Variants in PCDHGB5 observed in about 807,000 individuals in gnomAD.
The protein encoded by PCDHGB5 is protocadherin gamma subfamily B, 5, also known as protocadherin gamma-B5.
In PCDHGB5, 48 loss-of-function variants were observed where a neutral mutation model predicts 62.9. The ratio of observed to expected loss-of-function variants is 0.76; its 90% confidence interval spans 0.61 to 0.97. PCDHGB5 has a LOEUF of 0.97. PCDHGB5 is among the 50% of genes least tolerant of loss of function. The pLI is 0.00. For synonymous variants in PCDHGB5, 474 were observed against 511.2 expected, an observed-to-expected ratio of 0.93 and a Z score of 0.98; for missense variants, 1,118 against 1,198.6, an observed-to-expected ratio of 0.93 and a Z score of 0.99.
At chr5:141,423,785 A>G (rs531378008) in intron 1 of PCDHGB5, 48 of 1,269,536 alleles carry the variant, frequency 3.8e-5, no homozygotes, top group Non-Finnish European at 4.4e-5. Context: ...TTTAGTTCAT[A>G]TATATTTAGA....
rs1554123924 is a variant in PCDHGB5, at chr5:141,431,826, T to C, written c.2397+31302T>C. 1 of 1,614,220 alleles carries C rather than the reference T, an allele frequency of 6.2e-7. No homozygotes were observed. The highest frequency in any genetic ancestry group is 8.5e-7 in the Non-Finnish European group (1 of 1,180,050). The stretch of plus-strand genomic sequence containing the variant: ...GTCCTCACCTCTCTCGCCAGCTCGG[T>C]TCCCGAAAACTCTCCCAGAGGGACA... On this transcript the variant is annotated intron_variant, in intron 1 of 3. Coordinates refer to ENST00000617380, the MANE Select transcript of PCDHGB5 (RefSeq NM_018925.3). This position sits in a 1 kb window ranked among gnomAD's most constrained non-coding sequence, Gnocchi z 4.8.
At chr5:141,433,995 C>G (rs995723859) in intron 1 of PCDHGB5, among the ~76,000 whole-genome samples, 1 of 152,028 alleles carries the variant, frequency 6.6e-6, no homozygotes, top group Non-Finnish European at 1.5e-5. Context: ...GTTTTATATT[C>G]TCTATATATG....
chr5:141,477,262 C>A lies in PCDHGB5; in HGVS notation c.2398-17545C>A, dbSNP rs60063068. 1.2e-5 allele frequency: 19 copies of A among 1,614,020 alleles called. No homozygotes were observed. The East Asian group carries it at 4.2e-4, about 36-fold the overall frequency. On this transcript the variant is annotated intron_variant, in intron 1 of 3. Transcript: ENST00000617380. This position sits in a 1 kb window ranked among gnomAD's most constrained non-coding sequence, Gnocchi z 4.9. ...TCAGTGTGACTGACCTGGATGCTGG[C>A]GAGAACGGGCTGGTGACCTGCGAAG...
chr5:141,477,212 C>T lies in PCDHGB5; in HGVS notation c.2398-17595C>T, dbSNP rs1488282405. On this transcript the variant is annotated intron_variant, in intron 1 of 3. Coordinates refer to ENST00000617380, the MANE Select transcript of PCDHGB5 (RefSeq NM_018925.3). This position sits in a 1 kb window ranked among gnomAD's most constrained non-coding sequence, Gnocchi z 4.9. ...GTACAGCCCAGTACCCGAGGATGCC[C>T]CTCTGGGGACTGTCATCGCTTTGCT... 11 of 1,614,048 alleles carry T rather than the reference C, an allele frequency of 6.8e-6. No individual in the cohort carries two copies. The highest frequency in any genetic ancestry group is 1.3e-5 in the African/African-American group (1 of 74,918).
At position 141,505,383 on chromosome 5, in the gene PCDHGB5, C is replaced by G. The variant is rs369765886; in HGVS notation, c.2457-10C>G. On this transcript the variant is annotated splice_polypyrimidine_tract_variant and intron_variant, in intron 2 of 3. Transcript: ENST00000617380. ...GGGAGTCTGTGCTCACCATCCTACT[C>G]TCTCCCCAGCTCCCAAAATGGCGAT... The G allele has an allele frequency of 6.2e-7, 1 of 1,613,944 alleles. No homozygotes were observed. The highest frequency in any genetic ancestry group is 1.3e-5 in the African/African-American group (1 of 74,914).
chr5:141,433,802 A>G (rs2097651656), intron 1 of PCDHGB5, among the ~76,000 whole-genome samples: 1 of 149,280 alleles, frequency 6.7e-6, no homozygotes, highest in Non-Finnish European at 1.5e-5. Flanking sequence ...GTGCCATTGC[A>G]CTCCAGCCTG....
chr5:141,404,656 C>A, intron 1 of PCDHGB5: 1 of 1,614,176 alleles, frequency 6.2e-7, no homozygotes, highest in Non-Finnish European at 8.5e-7. Context: ...CTGCCCTCCC[C>A]ACTGATGGTT....
At chr5:141,422,597 C>T in intron 1 of PCDHGB5, 1 of 1,614,102 alleles carries the variant, frequency 6.2e-7, no homozygotes, top group Non-Finnish European at 8.5e-7. Context: ...CCTCACTCCT[C>T]TTACTCTGCC....
rs369793035 is a variant in PCDHGB5, at chr5:141,408,762, A to T, written c.2397+8238A>T. 57 of 1,610,942 alleles carry T rather than the reference A, an allele frequency of 3.5e-5. No homozygotes were observed. The highest frequency in any genetic ancestry group is 4.6e-5 in the Non-Finnish European group (54 of 1,178,454). On this transcript the variant is annotated intron_variant, in intron 1 of 3. Transcript: ENST00000617380. ...TCATTAATGGTTAGAGTTAATTCCG[A>T]TGGTGGCAAATACCCAGAGTTATCT...
At chr5:141,428,987 T>G (rs1185184865) in intron 1 of PCDHGB5, 2 of 152,288 alleles carry the variant, frequency 1.3e-5, no homozygotes, top group Non-Finnish European at 2.9e-5. Context: ...CCCGGGTAGC[T>G]GGGACTACAG....
At chr5:141,460,829 A>C (rs1242954704) in intron 1 of PCDHGB5, among the ~76,000 whole-genome samples, 1 of 151,944 alleles carries the variant, frequency 6.6e-6, no homozygotes, top group African/African-American at 2.4e-5. Flanking sequence ...ATACACACTT[A>C]AAGTAATGGC....
In PCDHGB5 at chr5:141,428,010, G is replaced by C. The variant is rs544491298; in HGVS notation, c.2397+27486G>C. The C allele has an allele frequency of 1.2e-4, 192 of 1,603,004 alleles. 6 individuals are homozygous for C. In the South Asian group the frequency reaches 2.0e-3, roughly 17 times the overall value. ...CGATGGCTCCGCACTCTTCGATATA[G>C]TGCCACGCGCCGCAGAGTCCGGCTA... On this transcript the variant is annotated intron_variant, in intron 1 of 3. Transcript: ENST00000617380.
At chr5:141,414,489 G>C (rs754325517) in intron 1 of PCDHGB5, 2 of 1,613,872 alleles carry the variant, frequency 1.2e-6, no homozygotes, top group South Asian at 2.2e-5. Context: ...CTCTATCAAC[G>C]GAAGCTCACT....
At chr5:141,445,357 G>A (rs115045385) in intron 1 of PCDHGB5, among the ~76,000 whole-genome samples, 18 of 152,258 alleles carry the variant, frequency 1.2e-4, no homozygotes, top group Admixed American at 1.1e-3. Context: ...GTCTGCCCAA[G>A]TCTGGTCCTG....
intron 1 of PCDHGB5, among the ~76,000 whole-genome samples, chr5:141,443,008 T>C (rs2098358096): frequency 1.3e-5 from 2 of 152,220 alleles, no homozygotes; most frequent in Admixed American, 1.3e-4. Context: ...TCTAAGAATA[T>C]GACTAATGGA....
Position 141,476,441 on chromosome 5 carries a change from GAGTTGGT to G in PCDHGB5, c.2398-18362_2398-18356del. 3 of 1,614,160 alleles carry G rather than the reference GAGTTGGT, an allele frequency of 1.9e-6. No homozygotes were observed. The South Asian group carries it at 3.3e-5, about 18-fold the overall frequency. ...ACTGCCCTCTTGCACTGTAACTCTG[GAGTTGGT>G]AGTGGAGAACCCGCTGGAGCTGTTC... On this transcript the variant is annotated intron_variant, in intron 1 of 3. Transcript: ENST00000617380. The surrounding 1 kb of genome is among the most constrained non-coding windows in gnomAD (Gnocchi z 7.6).
chr5:141,399,759 G>A lies in PCDHGB5; in HGVS notation c.1632G>A (p.Leu544=). Residue 544 remains leucine, a synonymous_variant, in exon 1 of 4, where the codon CTG becomes CTA. Transcript: ENST00000617380. The stretch of plus-strand genomic sequence containing the variant: ...CTGCGCTCAGCGCAAACGTGAGCCT[G>A]CGCGTGTTGGTGGGCGACCGAAACG... The part of the protein sequence containing the change: ...GSPALSANVS[L]RVLVGDRNDN... 1.2e-6 allele frequency: 2 copies of A among 1,613,348 alleles called. No individual in the cohort carries two copies. The highest frequency in any genetic ancestry group is 1.7e-6 in the Non-Finnish European group (2 of 1,179,816).
At position 141,431,438 on chromosome 5, in the gene PCDHGB5, C is replaced by G. The variant is rs773812765; in HGVS notation, c.2397+30914C>G. The G allele has an allele frequency of 3.9e-5, 63 of 1,613,612 alleles. No homozygotes were observed. In the East Asian group the frequency reaches 1.4e-3, roughly 35 times the overall value. ...CGACCCGGTGCGCACAGGCACCGCG[C>G]GCATCCGCGTGATGGTTCTGGATGC... is the stretch of plus-strand genomic sequence containing the variant. On this transcript the variant is annotated intron_variant, in intron 1 of 3. Coordinates refer to ENST00000617380, the MANE Select transcript of PCDHGB5 (RefSeq NM_018925.3). The surrounding 1 kb of genome is among the most constrained non-coding windows in gnomAD (Gnocchi z 4.8).
intron 1 of PCDHGB5, among the ~76,000 whole-genome samples, chr5:141,463,135 C>T (rs1352400365): frequency 6.6e-6 from 1 of 152,246 alleles, no homozygotes; most frequent in Middle Eastern, 3.4e-3. Context: ...GGCAGTTCTT[C>T]GCCCAGCTGC....
Sources: allele counts gnomAD v4.1 joint callset (sites outside exome capture counted in the v4.1 genomes callset), GRCh38; gene constraint gnomAD v4.1.1; non-coding constraint Gnocchi (gnomAD v3.1); transcripts MANE v1.5; gene names NCBI Gene and HGNC (gene_info 2026-07-23, HGNC 2026-07-21).